VWA8: variants seen among roughly 807,000 people sequenced by gnomAD.
The protein encoded by VWA8 is von Willebrand factor A domain-containing protein 8.
Under a neutral mutation model 241.5 loss-of-function variants are expected in VWA8, and 221 were observed. That is an observed-to-expected ratio of 0.91 (90% CI 0.82 to 1.02). VWA8 has a LOEUF of 1.02. Among genes scored for constraint, VWA8 ranks in the 50% least tolerant of loss-of-function variants. The pLI, the probability that VWA8 is intolerant of heterozygous loss-of-function variation, is 0.00. For missense variants in VWA8, 2,322 were observed against 2,328.7 expected, an observed-to-expected ratio of 1.00 and a Z score of 0.06; for synonymous variants, 852 against 827.1, an observed-to-expected ratio of 1.03 and a Z score of -0.52.
chr13:41,944,108 AAATAATAAT>A (rs3074010), intron 2 of VWA8, among the ~76,000 whole-genome samples: 25 of 146,498 alleles, frequency 1.7e-4, no homozygotes, highest in Admixed American at 1.0e-3. Flanking sequence ...CTGTCTCAAA[AAATAATAAT>A]AATAATAATA....
At chr13:41,835,869 G>A (rs553689355) in intron 12 of VWA8, among the ~76,000 whole-genome samples, 1 of 152,122 alleles carries the variant, frequency 6.6e-6, no homozygotes, top group South Asian at 2.1e-4. Context: ...TTGCCATAGA[G>A]TTACATCACA....
chr13:41,884,880 AACATACATATAT>A (rs1874441719), intron 8 of VWA8, among the ~76,000 whole-genome samples: 1 of 143,696 alleles, frequency 7.0e-6, no homozygotes, highest in Non-Finnish European at 1.5e-5. Flanking sequence ...ACTCACATGA[AACATACATATAT>A]ACATACATAC....
At chr13:41,882,457 G>T (rs1265691725) in intron 9 of VWA8, among the ~76,000 whole-genome samples, 1 of 152,062 alleles carries the variant, frequency 6.6e-6, no homozygotes, top group African/African-American at 2.4e-5. Flanking sequence ...GCAGGCAGCT[G>T]GGAGGTGGAG....
intron 37 of VWA8, among the ~76,000 whole-genome samples, chr13:41,667,476 C>A (rs1175456345): frequency 5.3e-5 from 8 of 152,130 alleles, no homozygotes; most frequent in Non-Finnish European, 1.2e-4. Context: ...CAGAAGATTG[C>A]AACCATTGTT....
In VWA8 at chr13:41,922,889, G is replaced by T. The variant is rs567495173; in HGVS notation, c.242-10721C>A. 2.0e-5 allele frequency among the ~76,000 whole-genome samples: 3 copies of T among 152,330 alleles called. No homozygotes were observed. The East Asian group carries it at 5.8e-4, about 29-fold the overall frequency. Reference sequence around the variant, plus strand: ...GAAGACAGTGTGGTGATTCCTCAAGGATCTAGAACTAGAAATATGATTTGA... The same window carrying T: ...GAAGACAGTGTGGTGATTCCTCAAGTATCTAGAACTAGAAATATGATTTGA... On this transcript the variant is annotated intron_variant, in intron 2 of 44. Transcript: ENST00000379310.
chr13:41,878,276 T>C (rs1873997770), intron 9 of VWA8, among the ~76,000 whole-genome samples: 2 of 152,124 alleles, frequency 1.3e-5, no homozygotes, highest in South Asian at 4.1e-4. Context: ...AATTCAAAAC[T>C]ATTTGAGCAC....
intron 40 of VWA8, among the ~76,000 whole-genome samples, chr13:41,593,901 T>C (rs2139649528): frequency 6.6e-6 from 1 of 152,266 alleles, no homozygotes; most frequent in African/African-American, 2.4e-5. Flanking sequence ...AATGTGGGAT[T>C]AGAACTGGAA....
At chr13:41,847,626 C>T (rs549766990) in intron 12 of VWA8, among the ~76,000 whole-genome samples, 1 of 152,126 alleles carries the variant, frequency 6.6e-6, no homozygotes, top group Admixed American at 6.5e-5. Context: ...GGTCCCACCT[C>T]CCACCAATTA....
chr13:41,729,645 T>C lies in VWA8; in HGVS notation c.2535A>G (p.Val845=). 3.1e-6 allele frequency: 5 copies of C among 1,612,908 alleles called. No individual in the cohort carries two copies. Among genetic ancestry groups the C allele is most frequent in the Non-Finnish European group, 3.4e-6 (4 of 1,179,402 alleles). Residue 845 remains valine (V), a synonymous_variant, in exon 23 of 45, where the codon GTA becomes GTG. Transcript: ENST00000379310. ...VKAVKLGHIL[V]VDEADKAPTN... ...TTGGAGCTTTGTCAGCCTCATCTAC[T>C]ACCAGAATATGACCCAACTTTACTG...
In VWA8 at chr13:41,852,932, A is replaced by T. The variant is rs371591313; in HGVS notation, c.1425+12804T>A. 2.0e-4 allele frequency among the ~76,000 whole-genome samples: 30 copies of T among 152,208 alleles called. No individual in the cohort carries two copies. In the South Asian group the frequency reaches 6.2e-3, roughly 32 times the overall value. On this transcript the variant is annotated intron_variant, in intron 12 of 44. Coordinates refer to ENST00000379310, the MANE Select transcript of VWA8 (RefSeq NM_015058.2). ...CAAGATTGCTTTGGCTATTTGAGGT[A>T]TTCTGTGGTTCCATATGAATTTTAG...
intron 35 of VWA8, among the ~76,000 whole-genome samples, chr13:41,676,679 C>G (rs1407376781): frequency 1.3e-5 from 2 of 152,168 alleles, no homozygotes; most frequent in Non-Finnish European, 1.5e-5. Flanking sequence ...GTTGCCCAGG[C>G]TGGAGTGCAG....
chr13:41,873,936 T>A (rs1873768775), intron 9 of VWA8, among the ~76,000 whole-genome samples: 1 of 152,168 alleles, frequency 6.6e-6, no homozygotes, highest in Non-Finnish European at 1.5e-5. Context: ...AAATCCTCAA[T>A]AAAATACTGG....
chr13:41,786,633 A>T (rs1869203584), intron 18 of VWA8, among the ~76,000 whole-genome samples: 1 of 152,128 alleles, frequency 6.6e-6, no homozygotes, highest in Non-Finnish European at 1.5e-5. Flanking sequence ...GCGTATCTGT[A>T]TTCAGATCCC....
intron 19 of VWA8, among the ~76,000 whole-genome samples, chr13:41,783,154 A>G (rs974390647): frequency 4.7e-5 from 7 of 149,138 alleles, no homozygotes; most frequent in African/African-American, 1.5e-4. Context: ...ATAAAATTAC[A>G]TATATAATTA....
At chr13:41,573,482 A>ATATATATATATATAT (rs1391223657) in intron 43 of VWA8, among the ~76,000 whole-genome samples, 28 of 114,598 alleles carry the variant, frequency 2.4e-4, no homozygotes, top group African/African-American at 1.0e-3. Flanking sequence ...TTTAAAAAAA[A>ATATATATATATATAT]AAAAATATAT....
In VWA8 at chr13:41,729,555, T is replaced by A; in HGVS notation, c.2625A>T (p.Arg875Ser). Residue 875 changes from arginine to serine, a missense_variant, in exon 23 of 45, where the codon AGA becomes AGT. Arg to Ser is a moderately radical substitution (Grantham distance 110). Transcript: ENST00000379310. The stretch of plus-strand genomic sequence containing the variant: ...TAAAATACTCACTTGCAACAATGCG[T>A]CTTCCATCTGCTAGAATCATTTCTC... ...ENGEMILADG[R>S]RIVANSANVN... is the part of the protein sequence containing the mutation. The A allele has an allele frequency of 6.2e-7, 1 of 1,611,978 alleles. No homozygotes were observed. Among genetic ancestry groups the A allele is most frequent in the Non-Finnish European group, 8.5e-7 (1 of 1,179,070 alleles).
intron 35 of VWA8, 91 bp from the exon 36 acceptor site, chr13:41,675,387 G>A: frequency 3.4e-6 from 3 of 877,916 alleles, no homozygotes; most frequent in Non-Finnish European, 5.4e-6. Context: ...CTGTAGCCTA[G>A]GGTAGAACGC....
intron 9 of VWA8, among the ~76,000 whole-genome samples, chr13:41,873,101 G>C (rs1196344065): frequency 1.3e-5 from 2 of 152,122 alleles, no homozygotes; most frequent in Non-Finnish European, 1.5e-5. Flanking sequence ...ATAACGAAAT[G>C]AAGGCAGAAA....
At chr13:41,930,183 C>A (rs190592536) in intron 2 of VWA8, among the ~76,000 whole-genome samples, 3 of 152,206 alleles carry the variant, frequency 2.0e-5, no homozygotes, top group Admixed American at 1.3e-4. Flanking sequence ...AATGAGATAC[C>A]ACCTCACATG....
Sources: gnomAD v4.1 joint callset for allele counts (sites outside exome capture counted in the v4.1 genomes callset) on GRCh38, gnomAD v4.1.1 for gene constraint, MANE v1.5 for transcripts, NCBI Gene and HGNC (gene_info 2026-07-23, HGNC 2026-07-21) for gene names.